Variants in GTF2IRD1 observed in about 807,000 individuals in gnomAD.
The protein encoded by GTF2IRD1 is general transcription factor II-I repeat domain-containing protein 1.
Under a neutral mutation model 113.2 loss-of-function variants are expected in GTF2IRD1, and 26 were observed. The ratio of observed to expected loss-of-function variants is 0.23; its 90% confidence interval spans 0.17 to 0.32. The LOEUF is 0.32. Among genes scored for constraint, GTF2IRD1 ranks in the 10% least tolerant of loss-of-function variants. The pLI is 1.00. For missense variants in GTF2IRD1, 864 were observed against 1,280.8 expected, an observed-to-expected ratio of 0.67 and a Z score of 4.97; for synonymous variants, 484 against 529.1, an observed-to-expected ratio of 0.91 and a Z score of 1.17.
intron 25 of GTF2IRD1, among the ~76,000 whole-genome samples, chr7:74,596,642 C>T (rs782155310): frequency 3.2e-4 from 49 of 151,482 alleles, no homozygotes; most frequent in Non-Finnish European, 5.6e-4. Flanking sequence ...GACTCTGTCT[C>T]GAAAAGAAAA....
intron 25 of GTF2IRD1, 52 bp from the exon 26 acceptor site, chr7:74,600,992 A>G (rs1451599319): frequency 1.2e-6 from 2 of 1,604,408 alleles, no homozygotes; most frequent in Non-Finnish European, 1.7e-6. Context: ...CAGGAGGCTG[A>G]GACAGAAAAG....
At chr7:74,455,151 C>T (rs1341942226) in intron 1 of GTF2IRD1, among the ~76,000 whole-genome samples, 1 of 152,152 alleles carries the variant, frequency 6.6e-6, no homozygotes, top group African/African-American at 2.4e-5. Context: ...CCTGTGTCCC[C>T]ATCCCAGCTG....
intron 7 of GTF2IRD1, among the ~76,000 whole-genome samples, chr7:74,523,041 G>A (rs1797381180): frequency 6.6e-6 from 1 of 152,132 alleles, no homozygotes; most frequent in African/African-American, 2.4e-5. Flanking sequence ...AGGTACAAGG[G>A]TTAGATTCTC....
rs1554345054 is a variant in GTF2IRD1, at chr7:74,518,134, T to A, written c.422-5T>A. The A allele has an allele frequency of 1.3e-6, 2 of 1,555,148 alleles. No individual in the cohort carries two copies. Among genetic ancestry groups the A allele is most frequent in the South Asian group, 2.4e-5 (2 of 84,706 alleles). ...CAGGCCCCTCTCCTGGACTCTCCCC[T>A]ACAGGCGAGGCCCTGGGAAGGGCCA... On this transcript the variant is annotated splice_polypyrimidine_tract_variant and splice_region_variant and intron_variant, in intron 4 of 26. Coordinates refer to ENST00000424337, the MANE Select transcript of GTF2IRD1 (RefSeq NM_005685.4).
chr7:74,480,605 G>T (rs1794681467), intron 1 of GTF2IRD1, among the ~76,000 whole-genome samples: 2 of 152,056 alleles, frequency 1.3e-5, no homozygotes, highest in South Asian at 4.1e-4. Context: ...GGCCGCCCCT[G>T]CCCGCCTGCC....
At chr7:74,514,041 A>G (rs561764629) in intron 3 of GTF2IRD1, among the ~76,000 whole-genome samples, 2 of 152,106 alleles carry the variant, frequency 1.3e-5, no homozygotes, top group Non-Finnish European at 2.9e-5. Context: ...TGAGGTTAAG[A>G]GAACGGGCCG....
At chr7:74,598,223 C>CA (rs10716447) in intron 25 of GTF2IRD1, among the ~76,000 whole-genome samples, 12 of 148,118 alleles carry the variant, frequency 8.1e-5, no homozygotes, top group Middle Eastern at 3.5e-3. Context: ...ACCCTGTTTC[C>CA]AAAAAAAAAA....
chr7:74,529,685 T>C (rs200345347), intron 8 of GTF2IRD1, 49 bp from the exon 9 acceptor site: 1 of 1,573,218 alleles, frequency 6.4e-7, no homozygotes, highest in Non-Finnish European at 8.7e-7. Flanking sequence ...GTCCTGTGTG[T>C]CCAGCAGCCT....
At position 74,547,321 on chromosome 7, in the gene GTF2IRD1, G is replaced by A. The variant is rs587615738; in HGVS notation, c.1916+35G>A. ...AACCAGGTCCATGGGAGACAGCACC[G>A]GCCCTGCTCAGCACCAAGGGGCAGG... On this transcript the variant is annotated intron_variant, in intron 17 of 26. Transcript: ENST00000424337. 61 of 1,531,740 alleles carry A rather than the reference G, an allele frequency of 4.0e-5. 1 individual carries two copies. In the South Asian group the frequency reaches 4.4e-4, roughly 11 times the overall value. The allele number at this position is 1,531,740 out of a possible 1,614,324, so 94.9% of individuals were successfully genotyped here.
chr7:74,601,277 C>T (rs782443171), intron 26 of GTF2IRD1, 97 bp downstream of exon 26: 35 of 1,549,132 alleles, frequency 2.3e-5, no homozygotes, highest in African/African-American at 2.7e-5. Flanking sequence ...GCCCAGGGGA[C>T]GGGGAGGCAC....
intron 22 of GTF2IRD1, among the ~76,000 whole-genome samples, chr7:74,574,138 C>T (rs905433751): frequency 6.6e-6 from 1 of 150,394 alleles, no homozygotes; most frequent in Non-Finnish European, 1.5e-5. Context: ...CATGCACCAC[C>T]ACACCAAGCT....
At chr7:74,454,715 C>G (rs1372010589) in intron 1 of GTF2IRD1, among the ~76,000 whole-genome samples, 1 of 152,028 alleles carries the variant, frequency 6.6e-6, no homozygotes, top group Non-Finnish European at 1.5e-5. Flanking sequence ...GCCCCGGCCC[C>G]GGGGAGGGGG....
chr7:74,508,007 G>T, intron 1 of GTF2IRD1, 68 bp from the exon 2 acceptor site: 1 of 1,523,418 alleles, frequency 6.6e-7, no homozygotes, highest in South Asian at 1.3e-5. Flanking sequence ...GGATTGGGGT[G>T]GGCAGCCACC....
At chr7:74,492,131 G>A (rs1288977404) in intron 1 of GTF2IRD1, among the ~76,000 whole-genome samples, 2 of 151,330 alleles carry the variant, frequency 1.3e-5, no homozygotes, top group African/African-American at 4.9e-5. Flanking sequence ...AGCCTCCCGA[G>A]TAGCTGGGAT....
intron 7 of GTF2IRD1, among the ~76,000 whole-genome samples, chr7:74,523,221 A>T (rs1205772393): frequency 1.4e-5 from 2 of 143,296 alleles, no homozygotes; most frequent in Non-Finnish European, 3.1e-5. Context: ...CCTGTCTGTA[A>T]AAAAGAAAAA....
intron 1 of GTF2IRD1, among the ~76,000 whole-genome samples, chr7:74,455,017 G>A (rs894540123): frequency 8.5e-5 from 13 of 152,182 alleles, no homozygotes; most frequent in Non-Finnish European, 1.3e-4. Flanking sequence ...TGGGCCCAGG[G>A]AAGGGGGCCG....
chr7:74,482,275 T>C (rs1414265515), intron 1 of GTF2IRD1, among the ~76,000 whole-genome samples: 6 of 147,566 alleles, frequency 4.1e-5, no homozygotes, highest in Non-Finnish European at 5.9e-5. Flanking sequence ...TATCCCAGGC[T>C]GGAGTGCAGT....
chr7:74,458,663 T>G (rs1230829264), intron 1 of GTF2IRD1, among the ~76,000 whole-genome samples: 1 of 151,446 alleles, frequency 6.6e-6, no homozygotes, highest in Non-Finnish European at 1.5e-5. Context: ...CCTTTCTTTT[T>G]TTTTTTTTTG....
Position 74,489,159 on chromosome 7 carries a change from C to T in GTF2IRD1, c.-6-18916C>T, listed in dbSNP as rs1795187561. Among the ~76,000 whole-genome samples, 6 of 152,032 alleles carry T rather than the reference C, an allele frequency of 3.9e-5. No individual in the cohort carries two copies. In the South Asian group the frequency reaches 1.3e-3, roughly 32 times the overall value. On this transcript the variant is annotated intron_variant, in intron 1 of 26. Coordinates refer to ENST00000424337, the MANE Select transcript of GTF2IRD1 (RefSeq NM_005685.4). ...TCCATCTCAAAAAGAAAAAAAAAGA[C>T]TTTTACTGTTTCACCCAAAGCTTAG...
Sources: allele counts gnomAD v4.1 joint callset (sites outside exome capture counted in the v4.1 genomes callset), GRCh38; gene constraint gnomAD v4.1.1; transcripts MANE v1.5; gene names NCBI Gene and HGNC (gene_info 2026-07-23, HGNC 2026-07-21).